Variants in BLOC1S3 observed in about 807,000 individuals in gnomAD.
BLOC1S3 encodes biogenesis of lysosome-related organelles complex 1 subunit 3.
BLOC1S3 carries 7 observed loss-of-function variants against 9.1 expected under a neutral mutation model. That is an observed-to-expected ratio of 0.77 (90% CI 0.44 to 1.45). The LOEUF is 1.45. Ranked by LOEUF, BLOC1S3 falls within the 40% of genes most tolerant of loss-of-function variation. The probability of loss-of-function intolerance (pLI) is 0.01; values close to 1 mark genes in which losing one functional copy is unlikely to be tolerated. For synonymous variants in BLOC1S3, 145 were observed against 158.4 expected (o/e 0.92, Z 0.64); for missense variants, 307 against 315.2 (o/e 0.97, Z 0.20).
At chr19:45,209,762 A>G (rs1016715057) in intron 3 of BLOC1S3, among the ~76,000 whole-genome samples, 2 of 149,620 alleles carry the variant, frequency 1.3e-5, no homozygotes, top group Non-Finnish European at 3.0e-5. Flanking sequence ...CTTGTTGCCC[A>G]GGCTGGAGTG....
At chr19:45,214,304 G>C (rs1216980135) in intron 3 of BLOC1S3, among the ~76,000 whole-genome samples, 1 of 152,056 alleles carries the variant, frequency 6.6e-6, no homozygotes, top group Non-Finnish European at 1.5e-5. Context: ...GTTTTTCTGG[G>C]GTTCTGTTTC....
At chr19:45,197,581 G>T (rs188523625) in intron 2 of BLOC1S3, among the ~76,000 whole-genome samples, 6 of 151,486 alleles carry the variant, frequency 4.0e-5, no homozygotes, top group Admixed American at 1.3e-4. Context: ...ATCCTAGCAC[G>T]TTGGGAGGCC....
chr19:45,201,811 G>A (rs1029095690), intron 2 of BLOC1S3, among the ~76,000 whole-genome samples: 1 of 152,130 alleles, frequency 6.6e-6, no homozygotes, highest in African/African-American at 2.4e-5. Context: ...GTGAGTCATG[G>A]GGGCAGTTTC....
chr19:45,188,302 C>T (rs575140768), intron 2 of BLOC1S3, among the ~76,000 whole-genome samples: 7 of 152,206 alleles, frequency 4.6e-5, no homozygotes, highest in Admixed American at 1.3e-4. Flanking sequence ...GGATTATAGG[C>T]ATGAGCCACC....
chr19:45,185,181 C>T (rs1022927113), downstream of BLOC1S3, among the ~76,000 whole-genome samples: 2 of 152,114 alleles, frequency 1.3e-5, no homozygotes, highest in Non-Finnish European at 2.9e-5. Flanking sequence ...TTGCAAGTCA[C>T]TGGGTAGTGA....
At chr19:45,184,171 C>G (rs143359373), downstream of BLOC1S3, among the ~76,000 whole-genome samples, 2 of 152,208 alleles carry the variant, frequency 1.3e-5, no homozygotes, top group African/African-American at 4.8e-5. Context: ...ACAGGCTGGT[C>G]TTGAACTCCT....
intron 2 of BLOC1S3, among the ~76,000 whole-genome samples, chr19:45,191,602 G>A (rs568470174): frequency 1.6e-4 from 24 of 152,334 alleles, no homozygotes; most frequent in African/African-American, 5.3e-4. Context: ...TTTGTGTTGC[G>A]ATCTAAGTCT....
At position 45,202,017 on chromosome 19, in the gene BLOC1S3, A is replaced by T. The variant is rs552089033; in HGVS notation, n.181-389A>T. Among the ~76,000 whole-genome samples, 8 of 151,818 alleles carry T rather than the reference A, an allele frequency of 5.3e-5. No homozygotes were observed. In the East Asian group the frequency reaches 1.4e-3, roughly 26 times the overall value. On this transcript the variant is annotated intron_variant and non_coding_transcript_variant, in intron 2 of 3. Transcript: ENST00000591569. ...GGCGGGTGGATCATGAGGTCAGGAGATCGAGACCATCCTGGCTAACATGGT... is the reference window on the plus strand; with the variant it reads ...GGCGGGTGGATCATGAGGTCAGGAGTTCGAGACCATCCTGGCTAACATGGT...
intron 3 of BLOC1S3, among the ~76,000 whole-genome samples, chr19:45,213,793 TA>T (rs376637056): frequency 0.024 from 3,222 of 134,270 alleles, 82 homozygotes; most frequent in African/African-American, 0.069. Flanking sequence ...AAAAATACAT[TA>T]AAAAAAAAAA....
At chr19:45,183,623 C>CTTTTTTT (rs57651816), downstream of BLOC1S3, among the ~76,000 whole-genome samples, 335 of 105,074 alleles carry the variant, frequency 3.2e-3, no homozygotes, top group African/African-American at 4.5e-3. Context: ...CTTTTCTTTT[C>CTTTTTTT]TTTTTTTTTT....
At chr19:45,200,849 C>A (rs1969685589) in intron 2 of BLOC1S3, among the ~76,000 whole-genome samples, 1 of 152,246 alleles carries the variant, frequency 6.6e-6, no homozygotes, top group Non-Finnish European at 1.5e-5. Context: ...TTGGTCACTG[C>A]AGCTGTATCT....
At chr19:45,205,141 C>T (rs1969717403) in intron 3 of BLOC1S3, among the ~76,000 whole-genome samples, 1 of 150,856 alleles carries the variant, frequency 6.6e-6, no homozygotes, top group Non-Finnish European at 1.5e-5. Context: ...AAAGCATGAC[C>T]CAACTCTATG....
In BLOC1S3 at chr19:45,179,338, GGAGACGGTGGTGCCGGGGGAGGCGACC is replaced by G; in HGVS notation, c.50_76del (p.Val17_Thr25del). 1 of 1,586,496 alleles carries G rather than the reference GGAGACGGTGGTGCCGGGGGAGGCGACC, an allele frequency of 6.3e-7. No individual in the cohort carries two copies. The highest frequency in any genetic ancestry group is 8.5e-7 in the Non-Finnish European group (1 of 1,174,822). ...GTCGGCGGAGGCCCCTGCGGAGGCC[GGAGACGGTGGTGCCGGGGGAGGCGACC>G]GAGACGGATTCCGAGCGCTCTGCGT... On this transcript the variant is annotated inframe_deletion, in exon 2 of 2. Coordinates refer to ENST00000433642, the MANE Select transcript of BLOC1S3 (RefSeq NM_212550.5). This position sits in a 1 kb window ranked among gnomAD's most constrained non-coding sequence, Gnocchi z 4.6.
chr19:45,190,311 G>A (rs1969594869), intron 2 of BLOC1S3, among the ~76,000 whole-genome samples: 2 of 151,564 alleles, frequency 1.3e-5, no homozygotes, highest in Non-Finnish European at 2.9e-5. Context: ...AATTTCTTCT[G>A]TGTTATCTTG....
At chr19:45,215,882 C>T (rs1458474958) in intron 3 of BLOC1S3, among the ~76,000 whole-genome samples, 1 of 152,136 alleles carries the variant, frequency 6.6e-6, no homozygotes, top group Non-Finnish European at 1.5e-5. Context: ...GCGGTGGCGG[C>T]GGAGGCAGCA....
Position 45,203,119 on chromosome 19 carries a change from G to A in BLOC1S3, n.282+612G>A, listed in dbSNP as rs145043914. On this transcript the variant is annotated intron_variant and non_coding_transcript_variant, in intron 3 of 3. Coordinates refer to the BLOC1S3 transcript ENST00000591569. ...CAAGCTATACTGCCTGGGGTTTGGG[G>A]CTCGGGGGCTCAAGCACTCCCTTGG... Among the ~76,000 whole-genome samples the A allele has an allele frequency of 7.5e-3, 1,136 of 151,960 alleles. 15 individuals carry two copies. The highest frequency in any genetic ancestry group is 0.026 in the African/African-American group (1,081 of 41,440).
intron 3 of BLOC1S3, among the ~76,000 whole-genome samples, chr19:45,210,044 TCAAAAA>T (rs1225884312): frequency 7.0e-6 from 1 of 141,926 alleles, no homozygotes; most frequent in African/African-American, 2.9e-5. Context: ...GAACTCTGTC[TCAAAAA>T]CAAAACAAAA....
intron 2 of BLOC1S3, among the ~76,000 whole-genome samples, chr19:45,196,684 A>G (rs1474695795): frequency 6.6e-6 from 1 of 151,944 alleles, no homozygotes; most frequent in African/African-American, 2.4e-5. Context: ...TAAGGTCAGG[A>G]GATCAAGACC....
At position 45,179,343 on chromosome 19, in the gene BLOC1S3, C is replaced by CG; in HGVS notation, c.49dup (p.Val17GlyfsTer128). The CG allele has an allele frequency of 6.3e-7, 1 of 1,586,068 alleles. No homozygotes were observed. Among genetic ancestry groups the CG allele is most frequent in the Non-Finnish European group, 8.5e-7 (1 of 1,174,614 alleles). ...CGGAGGCCCCTGCGGAGGCCGGAGA[C>CG]GGTGGTGCCGGGGGAGGCGACCGAG... On this transcript the variant is annotated frameshift_variant, in exon 2 of 2. Coordinates refer to ENST00000433642, the MANE Select transcript of BLOC1S3 (RefSeq NM_212550.5). LOFTEE classifies it high-confidence loss of function. This position sits in a 1 kb window ranked among gnomAD's most constrained non-coding sequence, Gnocchi z 4.6.
Sources: gnomAD v4.1 joint callset for allele counts (sites outside exome capture counted in the v4.1 genomes callset) on GRCh38, gnomAD v4.1.1 for gene constraint, Gnocchi (gnomAD v3.1) non-coding constraint, MANE v1.5 for transcripts, NCBI Gene and HGNC (gene_info 2026-07-23, HGNC 2026-07-21) for gene names.